SHANK2: variants seen among roughly 807,000 people sequenced by gnomAD.
SHANK2 encodes SH3 and multiple ankyrin repeat domains protein 2.
Under a neutral mutation model 133.7 loss-of-function variants are expected in SHANK2, and 43 were observed. The ratio of observed to expected loss-of-function variants is 0.32; its 90% CI spans 0.25 to 0.41. The LOEUF is 0.41. SHANK2 is among the 10% of genes least tolerant of loss of function. The probability of loss-of-function intolerance (pLI) is 1.00; values close to 1 mark genes in which losing one functional copy is unlikely to be tolerated. For missense variants in SHANK2, 1,994 were observed against 2,235.8 expected (o/e 0.89, Z 2.18); for synonymous variants, 1,017 against 952.8 (o/e 1.07, Z -1.24).
intron 11 of SHANK2, among the ~76,000 whole-genome samples, chr11:70,888,819 A>G (rs1949788675): frequency 7.1e-6 from 1 of 140,130 alleles, no homozygotes; most frequent in Admixed American, 6.8e-5. Flanking sequence ...GCCATCTCAA[A>G]AAAAAAGAAA....
At chr11:70,907,854 C>A (rs1408655540) in intron 10 of SHANK2, 1 of 454,182 alleles carries the variant, frequency 2.2e-6, no homozygotes, top group Non-Finnish European at 4.4e-6. Context: ...GTAATCCCAA[C>A]AATTTCGGAG....
intron 15 of SHANK2, among the ~76,000 whole-genome samples, chr11:70,687,985 A>G (rs927501820): frequency 1.3e-5 from 2 of 152,238 alleles, no homozygotes; most frequent in African/African-American, 4.8e-5. Flanking sequence ...CCCTGTGGTG[A>G]GGAACTCAGC....
At chr11:70,798,633 G>T in intron 13 of SHANK2, 77 bp from the exon 14 acceptor site, 1 of 699,808 alleles carries the variant, frequency 1.4e-6, no homozygotes. Context: ...GAGTGGGGCT[G>T]GGCAGAGGCA....
intron 2 of SHANK2, among the ~76,000 whole-genome samples, chr11:71,163,093 A>AACATATATATATAT: frequency 3.5e-5 from 3 of 84,676 alleles, no homozygotes; most frequent in African/African-American, 9.2e-5. Flanking sequence ...AAAAAAAAAA[A>AACATATATATATAT]ATACATATAT....
At chr11:70,730,826 C>CTTTTTTTTTTTTTT (rs34081906) in intron 14 of SHANK2, among the ~76,000 whole-genome samples, 1 of 127,396 alleles carries the variant, frequency 7.8e-6, no homozygotes. Context: ...TTTTTTATTT[C>CTTTTTTTTTTTTTT]TTTTTTTTTT....
At chr11:70,716,721 G>A (rs1664194) in intron 14 of SHANK2, among the ~76,000 whole-genome samples, 1,765 of 152,316 alleles carry the variant, frequency 0.012, 22 homozygotes, top group African/African-American at 0.031. Context: ...TCTACACGTC[G>A]CTGACAAAAC....
chr11:70,677,333 G>A (rs1944921323), intron 15 of SHANK2, among the ~76,000 whole-genome samples: 1 of 152,168 alleles, frequency 6.6e-6, no homozygotes, highest in East Asian at 1.9e-4. Flanking sequence ...GCATCCAGCT[G>A]AGCGGCCAAC....
At chr11:70,737,913 G>A (rs562605722) in intron 14 of SHANK2, among the ~76,000 whole-genome samples, 115 of 152,364 alleles carry the variant, frequency 7.5e-4, no homozygotes, top group Admixed American at 2.3e-3. Context: ...GTGAGCATGT[G>A]TGACAATGAC....
Position 71,194,439 on chromosome 11 carries a change from A to G in SHANK2, c.-13+30258T>C, listed in dbSNP as rs377229280. On this transcript the variant is annotated intron_variant, in intron 2 of 25. Coordinates refer to ENST00000601538, the MANE Select transcript of SHANK2 (RefSeq NM_012309.5). ...CTCTGTGGCCTCAAACCCCAACGCCACTCACCTGCACTTCTTTAAATCACC... is the reference window on the plus strand; with the variant it reads ...CTCTGTGGCCTCAAACCCCAACGCCGCTCACCTGCACTTCTTTAAATCACC... Among the ~76,000 whole-genome samples, 37 of 152,282 alleles carry G rather than the reference A, an allele frequency of 2.4e-4. No homozygotes were observed. The East Asian group carries it at 4.6e-3, about 19-fold the overall frequency.
chr11:71,168,140 T>A (rs1953222232), intron 2 of SHANK2, among the ~76,000 whole-genome samples: 1 of 134,974 alleles, frequency 7.4e-6, no homozygotes, highest in African/African-American at 3.0e-5. Context: ...GTCTCCTCAC[T>A]TCTCAGACGG....
At chr11:70,907,335 G>A (rs924194740) in intron 10 of SHANK2, among the ~76,000 whole-genome samples, 1 of 152,190 alleles carries the variant, frequency 6.6e-6, no homozygotes, top group Admixed American at 6.5e-5. Context: ...CCATGGCTGA[G>A]TGAAGGGGAC....
chr11:71,090,703 C>T (rs1000001297), intron 8 of SHANK2, among the ~76,000 whole-genome samples: 9 of 151,786 alleles, frequency 5.9e-5, no homozygotes, highest in African/African-American at 1.9e-4. Context: ...TGTATATGCA[C>T]GCAGAGAATT....
intron 12 of SHANK2, among the ~76,000 whole-genome samples, chr11:70,814,666 C>G (rs1948352255): frequency 6.6e-6 from 1 of 152,264 alleles, no homozygotes; most frequent in African/African-American, 2.4e-5. Flanking sequence ...GGGTCCAGCC[C>G]CTGCCTGTGT....
chr11:71,210,115 G>A (rs1329004247), intron 2 of SHANK2, among the ~76,000 whole-genome samples: 33 of 149,462 alleles, frequency 2.2e-4, no homozygotes, highest in African/African-American at 7.9e-4. Context: ...CAGTCCCAAG[G>A]GGTCTCCAGG....
At chr11:71,131,693 C>A (rs1952310413) in intron 3 of SHANK2, among the ~76,000 whole-genome samples, 9 of 152,152 alleles carry the variant, frequency 5.9e-5, no homozygotes, top group Admixed American at 5.9e-4. Flanking sequence ...AAGCAGAGAT[C>A]AGATGCTGGC....
chr11:70,533,803 G>C (rs1429454449), intron 17 of SHANK2, among the ~76,000 whole-genome samples: 2 of 151,966 alleles, frequency 1.3e-5, no homozygotes, highest in Admixed American at 1.3e-4. Flanking sequence ...CCCTTCCCCA[G>C]CCATAGGCAA....
chr11:70,657,902 C>T (rs945053906), intron 17 of SHANK2, among the ~76,000 whole-genome samples: 1 of 152,182 alleles, frequency 6.6e-6, no homozygotes, highest in Non-Finnish European at 1.5e-5. Flanking sequence ...CCCAGGTGAG[C>T]GCTGCAGCCA....
intron 10 of SHANK2, among the ~76,000 whole-genome samples, chr11:70,927,832 C>T (rs568742351): frequency 1.4e-4 from 22 of 152,146 alleles, no homozygotes; most frequent in Non-Finnish European, 2.8e-4. Flanking sequence ...GGGCCCCATC[C>T]AATCCGTTGA....
At chr11:70,883,503 T>C (rs1949689134) in intron 11 of SHANK2, among the ~76,000 whole-genome samples, 2 of 151,830 alleles carry the variant, frequency 1.3e-5, no homozygotes, top group South Asian at 4.2e-4. Context: ...TGTGGAGAAA[T>C]GACATGGGCA....
Sources: gnomAD v4.1 joint callset for allele counts (sites outside exome capture counted in the v4.1 genomes callset) on GRCh38, gnomAD v4.1.1 for gene constraint, MANE v1.5 for transcripts, NCBI Gene and HGNC (gene_info 2026-07-23, HGNC 2026-07-21) for gene names.